SCUBE1: variants seen among roughly 807,000 people sequenced by gnomAD.
The protein encoded by SCUBE1 is signal peptide, CUB and EGF-like domain-containing protein 1.
In SCUBE1, 59 loss-of-function variants were observed where a neutral mutation model predicts 124.4. The ratio of observed to expected loss-of-function variants is 0.47; its 90% CI spans 0.38 to 0.59. The LOEUF is 0.59. Among genes scored for constraint, SCUBE1 ranks in the 20% least tolerant of loss-of-function variants. The pLI is 0.00. For missense variants in SCUBE1, 1,150 were observed against 1,371.2 expected (o/e 0.84, Z 2.55); for synonymous variants, 545 against 550.9 (o/e 0.99, Z 0.15).
chr22:43,296,863 C>A (rs2269666), intron 3 of SCUBE1, among the ~76,000 whole-genome samples: 17,078 of 152,172 alleles, frequency 0.11, 1,911 homozygotes, highest in East Asian at 0.51. Flanking sequence ...GCTGGGAGAC[C>A]CCCTCGGAAA....
intron 21 of SCUBE1, 120 bp downstream of exon 21, chr22:43,207,414 C>A: frequency 1.3e-6 from 1 of 762,330 alleles, no homozygotes; most frequent in Non-Finnish European, 2.3e-6. Flanking sequence ...CTGCTCCTCT[C>A]CCATCACCAC....
At chr22:43,303,370 T>C (rs961026159) in intron 3 of SCUBE1, among the ~76,000 whole-genome samples, 7 of 152,258 alleles carry the variant, frequency 4.6e-5, no homozygotes, top group African/African-American at 7.2e-5. Flanking sequence ...ATGCCCTGCA[T>C]TGGCTCCCCA....
chr22:43,198,607 T>C lies in SCUBE1; in HGVS notation c.*5390A>G, dbSNP rs1344798008. The C allele has an allele frequency of 2.2e-6, 1 of 456,728 alleles. No individual in the cohort carries two copies. The highest frequency in any genetic ancestry group is 1.5e-5 in the South Asian group (1 of 64,570). The allele number at this position is 456,728 out of a possible 1,614,324, so 28.3% of individuals were successfully genotyped here. ...TCCTCTGCCCTTGGCCTGAATGATG[T>C]CGGCTCGGCATGGACACCTTGTGCA... On this transcript the variant is annotated 3_prime_UTR_variant, in exon 22 of 22. Coordinates refer to ENST00000360835, the MANE Select transcript of SCUBE1 (RefSeq NM_173050.5).
chr22:43,281,516 C>CCACCCTCCTGTCACCTCCCTCAGT (rs1352338966), intron 4 of SCUBE1, among the ~76,000 whole-genome samples: 61 of 83,960 alleles, frequency 7.3e-4, no homozygotes, highest in Non-Finnish European at 1.2e-3. Flanking sequence ...TCCTCCTCAG[C>CCACCCTCCTGTCACCTCCCTCAGT]CACCCTCCTG....
rs761089069 is a variant in SCUBE1 at position 43,208,076 on chromosome 22, G to A, written c.2730C>T (p.Tyr910=). Residue 910 remains tyrosine (Y), a synonymous_variant, in exon 20 of 22, where the codon TAC becomes TAT. Transcript: ENST00000360835. Reference sequence around the variant, plus strand: ...CGTGAAGACAGTGGATCTTACCATCGTAGGTGACATAGGGCACTTGGAAGC... The same window carrying A: ...CGTGAAGACAGTGGATCTTACCATCATAGGTGACATAGGGCACTTGGAAGC... ...GKGFQVPYVT[Y]DEDYQQLIED... is the part of the protein sequence containing the mutation. The A allele has an allele frequency of 1.1e-5, 17 of 1,613,944 alleles. No individual in the cohort carries two copies. Among genetic ancestry groups the A allele is most frequent in the African/African-American group, 9.3e-5 (7 of 74,940 alleles).
chr22:43,212,373 G>A, intron 17 of SCUBE1, 52 bp downstream of exon 17: 1 of 1,533,304 alleles, frequency 6.5e-7, no homozygotes, highest in East Asian at 2.5e-5. Context: ...TCTCGGAGCA[G>A]TGCAGCCCTG....
At chr22:43,281,543 C>A (rs1432687754) in intron 4 of SCUBE1, among the ~76,000 whole-genome samples, 1 of 138,690 alleles carries the variant, frequency 7.2e-6, no homozygotes, top group Non-Finnish European at 1.6e-5. Flanking sequence ...CCCTCAGTCA[C>A]CCTCCTGTCA....
chr22:43,328,885 A>G (rs527684982), intron 2 of SCUBE1, among the ~76,000 whole-genome samples: 1 of 152,342 alleles, frequency 6.6e-6, no homozygotes, highest in Admixed American at 6.5e-5. Flanking sequence ...CCCATGGCTC[A>G]TAGAAAAAGA....
intron 21 of SCUBE1, among the ~76,000 whole-genome samples, chr22:43,205,711 CCACA>C (rs1199815093): frequency 4.6e-5 from 5 of 109,868 alleles, no homozygotes; most frequent in Non-Finnish European, 5.6e-5. Context: ...CACCCACTCA[CCACA>C]CACTCACCCC....
At chr22:43,329,229 A>G (rs1293068525) in intron 2 of SCUBE1, among the ~76,000 whole-genome samples, 1 of 152,238 alleles carries the variant, frequency 6.6e-6, no homozygotes, top group East Asian at 1.9e-4. Context: ...TCCTGCCTAC[A>G]GACTGGCCAG....
intron 3 of SCUBE1, among the ~76,000 whole-genome samples, chr22:43,306,682 G>A (rs1213748759): frequency 6.6e-6 from 1 of 152,122 alleles, no homozygotes. Flanking sequence ...CTTCCTTCAC[G>A]TACACCCTTC....
chr22:43,240,454 G>A (rs565993024), intron 6 of SCUBE1, among the ~76,000 whole-genome samples: 2 of 152,326 alleles, frequency 1.3e-5, no homozygotes, highest in East Asian at 3.9e-4. Context: ...AGACACGGAG[G>A]GAAGGTGTCA....
intron 7 of SCUBE1, among the ~76,000 whole-genome samples, chr22:43,233,051 C>T (rs1402931045): frequency 6.6e-6 from 1 of 152,238 alleles, no homozygotes; most frequent in Non-Finnish European, 1.5e-5. Context: ...TATTTCTACA[C>T]TGCAGGGTGG....
rs1922042398 is a variant in SCUBE1, at chr22:43,220,446, C to T, written c.1687+4G>A. 3 of 1,613,062 alleles carry T rather than the reference C, an allele frequency of 1.9e-6. No individual in the cohort carries two copies. Among genetic ancestry groups the T allele is most frequent in the Non-Finnish European group, 2.5e-6 (3 of 1,179,350 alleles). On this transcript the variant is annotated splice_donor_region_variant and intron_variant, in intron 14 of 21. Coordinates refer to ENST00000360835, the MANE Select transcript of SCUBE1 (RefSeq NM_173050.5). ...AGAAGCCCCCAGGAGAACCCCTCAC[C>T]TACCTGAGGCCTCTTCCATCTTTGT...
At chr22:43,302,672 C>T (rs1439636724) in intron 3 of SCUBE1, among the ~76,000 whole-genome samples, 1 of 152,236 alleles carries the variant, frequency 6.6e-6, no homozygotes, top group East Asian at 1.9e-4. Context: ...TTCATCCCCT[C>T]AGGCCTCTGA....
intron 6 of SCUBE1, among the ~76,000 whole-genome samples, chr22:43,256,149 A>G (rs1043120165): frequency 6.6e-5 from 10 of 152,256 alleles, no homozygotes; most frequent in African/African-American, 1.9e-4. Context: ...GCACACACAT[A>G]ATGGATCCAA....
intron 7 of SCUBE1, 43 bp from the exon 8 acceptor site, chr22:43,231,918 T>G: frequency 6.2e-7 from 1 of 1,600,626 alleles, no homozygotes; most frequent in Non-Finnish European, 8.6e-7. Context: ...GCCAGGAGAA[T>G]CAGCTTGTGT....
intron 3 of SCUBE1, among the ~76,000 whole-genome samples, chr22:43,311,360 T>G (rs1926161883): frequency 1.3e-5 from 2 of 152,160 alleles, no homozygotes; most frequent in Non-Finnish European, 2.9e-5. Context: ...AGAACAATTT[T>G]TTTGGAATAA....
At chr22:43,318,285 G>C (rs1040197845) in intron 3 of SCUBE1, 1 of 152,162 alleles carries the variant, frequency 6.6e-6, no homozygotes, top group Non-Finnish European at 1.5e-5. Context: ...TTGGGAGGTC[G>C]AGGTGGGCAG....
Sources: gnomAD v4.1 joint callset for allele counts (sites outside exome capture counted in the v4.1 genomes callset) on GRCh38, gnomAD v4.1.1 for gene constraint, MANE v1.5 for transcripts, NCBI Gene and HGNC (gene_info 2026-07-23, HGNC 2026-07-21) for gene names.